The following FBXW4 variants were observed in gnomAD, a reference collection of about 807,000 sequenced individuals.
FBXW4 encodes the protein F-box and WD repeat domain containing 4, also known as F-box/WD repeat-containing protein 4.
Under a neutral mutation model 61.8 loss-of-function variants are expected in FBXW4, and 40 were observed. The observed-to-expected ratio is 0.65, with a 90% CI of 0.50 to 0.84. The LOEUF (loss-of-function observed/expected upper bound fraction) is 0.84, where lower values mean the gene tolerates loss of function less well. Ranked by LOEUF, FBXW4 falls within the 40% of genes least tolerant of loss-of-function variation. The pLI, the probability that FBXW4 is intolerant of heterozygous loss-of-function variation, is 0.00. For synonymous variants in FBXW4, 311 were observed against 313.8 expected, an observed-to-expected ratio of 0.99 and a Z score of 0.10; for missense variants, 672 against 753.8, an observed-to-expected ratio of 0.89 and a Z score of 1.27.
intron 5 of FBXW4, among the ~76,000 whole-genome samples, chr10:101,646,756 G>A (rs1180751317): frequency 1.3e-5 from 2 of 152,204 alleles, no homozygotes; most frequent in Non-Finnish European, 2.9e-5. Context: ...GAGGGAGAAG[G>A]ATGAAAGGTT....
At chr10:101,660,021 G>A (rs946814974) in intron 5 of FBXW4, 1 of 917,760 alleles carries the variant, frequency 1.1e-6, no homozygotes, top group Non-Finnish European at 1.3e-6. Context: ...TGTAATATAA[G>A]GAGAAATCAC....
intron 1 of FBXW4, among the ~76,000 whole-genome samples, chr10:101,687,369 C>CCCACA (rs1441759284): frequency 1.3e-5 from 2 of 152,134 alleles, no homozygotes; most frequent in Admixed American, 1.3e-4. Context: ...ACCCACACAG[C>CCCACA]CAGTGAGCAT....
chr10:101,621,841 G>A (rs1564903587), intron 6 of FBXW4, among the ~76,000 whole-genome samples: 1 of 152,100 alleles, frequency 6.6e-6, no homozygotes, highest in Non-Finnish European at 1.5e-5. Context: ...AAGAAGAGGA[G>A]GCCCTGGAAG....
At position 101,694,313 on chromosome 10, in the gene FBXW4, C is replaced by A; in HGVS notation, c.725+68G>T. The A allele has an allele frequency of 7.6e-7, 1 of 1,314,350 alleles. No homozygotes were observed. Among genetic ancestry groups the A allele is most frequent in the South Asian group, 2.0e-5 (1 of 50,280 alleles). 81.4% of individuals were successfully genotyped at this position (1,314,350 alleles called of 1,614,324 possible). On this transcript the variant is annotated intron_variant, in intron 1 of 8. Transcript: ENST00000331272. The surrounding 1 kb of genome is among the most constrained non-coding windows in gnomAD (Gnocchi z 6.0). ...CGACCCTGGGCCGACCAGGCCGCGG[C>A]GCCCCGCCCTTTCCCGGGACGCGGG...
At chr10:101,673,344 G>T in intron 3 of FBXW4, 144 bp downstream of exon 3, 3 of 998,322 alleles carry the variant, frequency 3.0e-6, no homozygotes, top group South Asian at 1.6e-5. Flanking sequence ...ACTCCTTTTG[G>T]TAAAATCTCT....
At chr10:101,691,773 G>GA (rs1317839772) in intron 1 of FBXW4, among the ~76,000 whole-genome samples, 10 of 152,174 alleles carry the variant, frequency 6.6e-5, no homozygotes, top group African/African-American at 2.4e-4. Flanking sequence ...CTTTGAAAGA[G>GA]TTATTCTCAT....
At chr10:101,652,369 C>T (rs1283519407) in intron 5 of FBXW4, among the ~76,000 whole-genome samples, 3 of 152,152 alleles carry the variant, frequency 2.0e-5, no homozygotes, top group Non-Finnish European at 2.9e-5. Context: ...TCTCTTGCTT[C>T]GCCCTGGATA....
upstream of FBXW4, chr10:101,695,288 ACAC>A: frequency 1.3e-6 from 1 of 756,690 alleles, no homozygotes; most frequent in Non-Finnish European, 1.6e-6. The surrounding 1 kb of genome is among the most constrained non-coding windows in gnomAD (Gnocchi z 4.2). Flanking sequence ...CGGGGCGCTG[ACAC>A]CACCCCCGCA....
In FBXW4 at chr10:101,617,951, A is replaced by G. The variant is rs566552590; in HGVS notation, c.1302-5474T>C. Reference sequence around the variant, plus strand: ...TTTCAAAGGAGAAGGGAGGTACTTTAAAGAGGGGCAGTTCCCGTAATCACC... The same window carrying G: ...TTTCAAAGGAGAAGGGAGGTACTTTGAAGAGGGGCAGTTCCCGTAATCACC... On this transcript the variant is annotated intron_variant, in intron 6 of 8. Coordinates refer to ENST00000331272, the MANE Select transcript of FBXW4 (RefSeq NM_022039.4). Among the ~76,000 whole-genome samples, 3 of 152,370 alleles carry G rather than the reference A, an allele frequency of 2.0e-5. No individual in the cohort carries two copies. The East Asian group carries it at 5.8e-4, about 29-fold the overall frequency.
intron 6 of FBXW4, among the ~76,000 whole-genome samples, chr10:101,620,237 T>C (rs2063857740): frequency 6.6e-6 from 1 of 152,254 alleles, no homozygotes; most frequent in Admixed American, 6.5e-5. Context: ...AGTCAGGCTT[T>C]GGTGTTACTG....
chr10:101,660,216 A>G, intron 5 of FBXW4: 2 of 984,360 alleles, frequency 2.0e-6, no homozygotes, highest in Non-Finnish European at 2.4e-6. Context: ...TGACTATTAC[A>G]TCTTGTACCT....
chr10:101,618,886 T>A (rs968234817), intron 6 of FBXW4, among the ~76,000 whole-genome samples: 14 of 146,638 alleles, frequency 9.5e-5, no homozygotes, highest in African/African-American at 2.9e-4. Flanking sequence ...CAAATGCCCC[T>A]TGGCAGAAAA....
At chr10:101,651,374 G>C (rs796244141) in intron 5 of FBXW4, among the ~76,000 whole-genome samples, 55 of 152,224 alleles carry the variant, frequency 3.6e-4, no homozygotes, top group African/African-American at 1.3e-3. Context: ...GAAAGCCACA[G>C]GATACATTTC....
chr10:101,667,386 ATGTCTTTGTTTGAGGACC>A (rs2064314180), intron 5 of FBXW4, among the ~76,000 whole-genome samples: 1 of 152,206 alleles, frequency 6.6e-6, no homozygotes, highest in South Asian at 2.1e-4. Context: ...CTTCACATAC[ATGTCTTTGTTTGAGGACC>A]CAGCTGGATC....
intron 3 of FBXW4, 101 bp downstream of exon 3, chr10:101,673,387 T>G (rs2064376502): frequency 1.5e-6 from 2 of 1,344,018 alleles, no homozygotes; most frequent in Non-Finnish European, 2.1e-6. Flanking sequence ...CTGGTCTCCC[T>G]CCTCATCCCT....
intron 5 of FBXW4, among the ~76,000 whole-genome samples, chr10:101,663,236 T>C (rs1027733178): frequency 6.6e-6 from 1 of 152,194 alleles, no homozygotes; most frequent in African/African-American, 2.4e-5. Flanking sequence ...GTTAAGGCAC[T>C]TAGTATAATC....
intron 5 of FBXW4, chr10:101,660,052 C>A: frequency 1.0e-6 from 1 of 984,340 alleles, no homozygotes; most frequent in Non-Finnish European, 1.2e-6. Flanking sequence ...TGCACCCTTT[C>A]CTACCTGCCC....
At chr10:101,673,702 GTCA>G in intron 2 of FBXW4, 29 bp from the exon 3 acceptor site, 1 of 1,605,940 alleles carries the variant, frequency 6.2e-7, no homozygotes, top group South Asian at 1.1e-5. Context: ...AAATTTAAAA[GTCA>G]TCAAGATACA....
chr10:101,629,503 C>T (rs1268383926), intron 5 of FBXW4, among the ~76,000 whole-genome samples: 2 of 152,012 alleles, frequency 1.3e-5, no homozygotes, highest in African/African-American at 4.8e-5. Flanking sequence ...AGGCTGGTCT[C>T]GAACTCCTGA....
Sources: gnomAD v4.1 joint callset for allele counts (sites outside exome capture counted in the v4.1 genomes callset) on GRCh38, gnomAD v4.1.1 for gene constraint, Gnocchi (gnomAD v3.1) non-coding constraint, MANE v1.5 for transcripts, NCBI Gene and HGNC (gene_info 2026-07-23, HGNC 2026-07-21) for gene names.